The following KLK15 variants were observed in gnomAD, a reference collection of about 807,000 sequenced individuals.
KLK15 encodes the protein kallikrein related peptidase 15.
In KLK15, 19 loss-of-function variants were observed where a neutral mutation model predicts 21.1. The ratio of observed to expected loss-of-function variants is 0.90; its 90% CI spans 0.63 to 1.32. The LOEUF (loss-of-function observed/expected upper bound fraction) is 1.32, where lower values mean the gene tolerates loss of function less well. Ranked by LOEUF, KLK15 falls within the 40% of genes most tolerant of loss-of-function variation. KLK15 has a pLI of 0.00. For synonymous variants in KLK15, 141 were observed against 141.5 expected, an observed-to-expected ratio of 1.00 and a Z score of 0.03; for missense variants, 345 against 348.6, an observed-to-expected ratio of 0.99 and a Z score of 0.08.
intron 1 of KLK15, among the ~76,000 whole-genome samples, chr19:50,829,613 A>G (rs1186190132): frequency 1.3e-5 from 2 of 151,790 alleles, no homozygotes; most frequent in Non-Finnish European, 1.5e-5. Flanking sequence ...CCTGGCCAAC[A>G]TCGTGAAATC....
intron 1 of KLK15, among the ~76,000 whole-genome samples, chr19:50,828,969 CAAAAAAAA>C (rs3078002): frequency 5.3e-5 from 3 of 56,642 alleles, no homozygotes; most frequent in African/African-American, 2.2e-4. Flanking sequence ...AACTCCATCT[CAAAAAAAA>C]AAAAAAAAAA....
At chr19:50,825,554 C>T (rs145638228), downstream of KLK15, 17 of 386,542 alleles carry the variant, frequency 4.4e-5, no homozygotes, top group East Asian at 7.6e-4. Context: ...TTCTCTTTGA[C>T]CCCAGAAAAA....
At chr19:50,826,025 T>C in intron 4 of KLK15, 77 bp from the exon 6 acceptor site, 1 of 1,436,434 alleles carries the variant, frequency 7.0e-7, no homozygotes, top group African/African-American at 1.4e-5. Flanking sequence ...ATTTGCAATC[T>C]CACCCCAAAC....
intron 4 of KLK15, 134 bp downstream of exon 5, chr19:50,826,487 C>G: frequency 9.0e-7 from 1 of 1,107,278 alleles, no homozygotes; most frequent in Non-Finnish European, 1.3e-6. Flanking sequence ...ATTCTAACTT[C>G]TCTTCCTACT....
intron 2 of KLK15, 87 bp from the exon 4 acceptor site, chr19:50,827,248 ACC>A: frequency 7.8e-7 from 1 of 1,275,570 alleles, no homozygotes; most frequent in Non-Finnish European, 1.1e-6. Flanking sequence ...AGAGTGGGCA[ACC>A]CGAGGTCTCC....
intron 1 of KLK15, among the ~76,000 whole-genome samples, chr19:50,829,932 A>G (rs1012325433): frequency 6.6e-6 from 1 of 151,700 alleles, no homozygotes; most frequent in African/African-American, 2.4e-5. Context: ...TCAGATGTGG[A>G]CTTGCTGTCT....
chr19:50,829,632 A>C (rs2089946693), intron 1 of KLK15, among the ~76,000 whole-genome samples: 1 of 151,794 alleles, frequency 6.6e-6, no homozygotes, highest in Non-Finnish European at 1.5e-5. Context: ...TCCCGTCTCT[A>C]CTAAAAAATA....
At chr19:50,826,967 C>A (rs2089890791) in exon 3 of KLK15, 3 of 1,605,328 alleles carry the variant, frequency 1.9e-6, no homozygotes, top group Admixed American at 1.7e-5. Flanking sequence ...CGGGTGGGGG[C>A]AACGCGTGGG....
chr19:50,829,706 G>C (rs2089949097), intron 1 of KLK15, among the ~76,000 whole-genome samples: 1 of 151,730 alleles, frequency 6.6e-6, no homozygotes, highest in South Asian at 2.1e-4. Context: ...TGTAATTCTA[G>C]CTACTCGGGA....
upstream of KLK15, among the ~76,000 whole-genome samples, chr19:50,833,527 C>G (rs1179494724): frequency 6.6e-6 from 1 of 152,166 alleles, no homozygotes; most frequent in African/African-American, 2.4e-5. Flanking sequence ...AAGCTCTCAC[C>G]TCCTCCAGAT....
At chr19:50,831,050 G>A (rs150464516) in intron 1 of KLK15, 108 of 161,332 alleles carry the variant, frequency 6.7e-4, no homozygotes, top group African/African-American at 2.5e-3. Flanking sequence ...TGCTTGCTAT[G>A]TATATTACCT....
upstream of KLK15, among the ~76,000 whole-genome samples, chr19:50,832,118 G>C (rs1024502157): frequency 1.3e-4 from 8 of 60,082 alleles, no homozygotes; most frequent in Non-Finnish European, 2.2e-4. Flanking sequence ...ACCGCGCCTG[G>C]TCTATCTCAA....
intron 1 of KLK15, among the ~76,000 whole-genome samples, chr19:50,828,828 G>A (rs2089928938): frequency 6.6e-6 from 1 of 151,282 alleles, no homozygotes; most frequent in Non-Finnish European, 1.5e-5. Flanking sequence ...AATTAGCTGG[G>A]CATGGTGGCG....
chr19:50,833,161 G>T (rs535450017), upstream of KLK15: 1 of 152,388 alleles, frequency 6.6e-6, no homozygotes, highest in Admixed American at 6.5e-5. Flanking sequence ...CTCAGGTCAG[G>T]TTCTTTCTGT....
At position 50,825,961 on chromosome 19, in the gene KLK15, G is replaced by A. The variant is rs564955222; in HGVS notation, c.619-13C>T. The A allele has an allele frequency of 1.2e-6, 2 of 1,608,196 alleles. No individual in the cohort carries two copies. The highest frequency in any genetic ancestry group is 8.5e-7 in the Non-Finnish European group (1 of 1,176,322). On this transcript the variant is annotated splice_polypyrimidine_tract_variant and intron_variant, in intron 4 of 4. Coordinates refer to ENST00000598239, the Ensembl canonical transcript of KLK15. ...CCCCAGAGTCACCCTGTGGGGAAAA[G>A]AGGGGGTCTCAGGTTGAGTGAAACC...
At chr19:50,826,677 G>C in exon 4 of KLK15, 1 of 1,613,854 alleles carries the variant, frequency 6.2e-7, no homozygotes, top group East Asian at 2.2e-5. Flanking sequence ...GTGTTTGTCA[G>C]GCGCCCTGGG....
upstream of KLK15, among the ~76,000 whole-genome samples, chr19:50,833,368 C>A (rs1011891850): frequency 2.0e-5 from 3 of 152,188 alleles, no homozygotes; most frequent in Non-Finnish European, 4.4e-5. Flanking sequence ...AGGACATTTT[C>A]TTGGTTCAGG....
chr19:50,825,927 C>T, exon 5 of KLK15: 1 of 1,613,424 alleles, frequency 6.2e-7, no homozygotes. Context: ...CCCCCACAGA[C>T]CAGGGGTCCC....
At position 50,829,294 on chromosome 19, in the gene KLK15, A is replaced by G. The variant is rs775968642; in HGVS notation, c.44-1479T>C. Among the ~76,000 whole-genome samples the G allele has an allele frequency of 7.9e-5, 12 of 151,530 alleles. 1 individual carries two copies. Among genetic ancestry groups the G allele is most frequent in the Non-Finnish European group, 1.5e-4 (10 of 67,770 alleles). ...CTGTAAAATGAAGATTGTTGTAAGG[A>G]TGAGGTAGGAATGTGTATGTGTGTG... is the stretch of plus-strand genomic sequence containing the variant. On this transcript the variant is annotated intron_variant, in intron 1 of 4. Transcript: ENST00000598239.
Sources: gnomAD v4.1 joint callset for allele counts (sites outside exome capture counted in the v4.1 genomes callset) on GRCh38, gnomAD v4.1.1 for gene constraint, MANE v1.5 for transcripts, NCBI Gene and HGNC (gene_info 2026-07-23, HGNC 2026-07-21) for gene names.